The following KLRG1 variants were observed in gnomAD, a reference collection of about 807,000 sequenced individuals.
KLRG1 encodes killer cell lectin like receptor G1, also known as killer cell lectin-like receptor subfamily G member 1.
Under a neutral mutation model 21.8 loss-of-function variants are expected in KLRG1, and 16 were observed. That is an observed-to-expected ratio of 0.73 (90% confidence interval 0.50 to 1.11). KLRG1 has a LOEUF of 1.11. Ranked by LOEUF, KLRG1 falls within the 50% of genes most tolerant of loss-of-function variation. KLRG1 has a pLI of 0.00. For missense variants in KLRG1, 173 were observed against 218.3 expected, an observed-to-expected ratio of 0.79 and a Z score of 1.31; for synonymous variants, 69 against 75.9, an observed-to-expected ratio of 0.91 and a Z score of 0.47.
intron 1 of KLRG1, among the ~76,000 whole-genome samples, chr12:8,978,676 CTTTCTTTCTTTCTT>C (rs1326640393): frequency 3.1e-4 from 44 of 143,888 alleles, no homozygotes; most frequent in African/African-American, 1.1e-3. Flanking sequence ...TTCTTTCTTT[CTTTCTTTCTTTCTT>C]TTTCTTTCTT....
chr12:9,014,861 G>A (rs960542231), downstream of KLRG1, among the ~76,000 whole-genome samples: 1 of 152,118 alleles, frequency 6.6e-6, no homozygotes, highest in South Asian at 2.1e-4. Context: ...AAAAGTGGTG[G>A]CATGAAGTTA....
the KLRG1 span, among the ~76,000 whole-genome samples, chr12:9,163,358 C>T: frequency 2.0e-5 from 3 of 150,246 alleles, no homozygotes; most frequent in African/African-American, 7.4e-5. Flanking sequence ...GAGGCTGAGG[C>T]AGGAGAATGG....
At chr12:9,169,706 G>A in the KLRG1 span, 2 of 986,046 alleles carry the variant, frequency 2.0e-6, no homozygotes, top group East Asian at 5.8e-5. Context: ...CGTTCATGTA[G>A]TTGGTACCTT....
At chr12:9,138,822 T>C in the KLRG1 span, among the ~76,000 whole-genome samples, 9 of 152,114 alleles carry the variant, frequency 5.9e-5, no homozygotes, top group Non-Finnish European at 1.2e-4. Context: ...AGAGCAGTTA[T>C]AATGTATCTT....
the KLRG1 span, among the ~76,000 whole-genome samples, chr12:9,084,269 T>A: frequency 6.6e-6 from 1 of 152,172 alleles, no homozygotes. Context: ...ATGGTATAAG[T>A]AATATAGAGC....
At chr12:9,000,778 G>A (rs12304948) in intron 3 of KLRG1, among the ~76,000 whole-genome samples, 4,234 of 152,238 alleles carry the variant, frequency 0.028, 216 homozygotes, top group African/African-American at 0.093. Context: ...GGATACCTGG[G>A]ATGCTTCAAC....
chr12:8,957,416 A>G (rs1394973733), intron 1 of KLRG1, among the ~76,000 whole-genome samples: 1 of 152,254 alleles, frequency 6.6e-6, no homozygotes, highest in African/African-American at 2.4e-5. Flanking sequence ...CAGCAAAACT[A>G]GCACACATTC....
At chr12:9,205,511 A>T in the KLRG1 span, among the ~76,000 whole-genome samples, 1 of 152,190 alleles carries the variant, frequency 6.6e-6, no homozygotes, top group Non-Finnish European at 1.5e-5. Flanking sequence ...TGAGATCCTC[A>T]TCAGTCCCCA....
the KLRG1 span, among the ~76,000 whole-genome samples, chr12:9,153,844 G>A: frequency 6.6e-6 from 1 of 152,054 alleles, no homozygotes; most frequent in Non-Finnish European, 1.5e-5. Flanking sequence ...AAGAAGACAT[G>A]TAGGAGGGAA....
At chr12:9,049,762 C>T in the KLRG1 span, among the ~76,000 whole-genome samples, 1 of 152,106 alleles carries the variant, frequency 6.6e-6, no homozygotes, top group Non-Finnish European at 1.5e-5. Context: ...ATGAAAGGGG[C>T]ATCTTGGAGC....
the KLRG1 span, among the ~76,000 whole-genome samples, chr12:9,032,712 A>G: frequency 6.6e-6 from 1 of 152,188 alleles, no homozygotes; most frequent in Non-Finnish European, 1.5e-5. Flanking sequence ...ATCAACTGTT[A>G]TAGAACCCAA....
chr12:9,164,132 C>A, the KLRG1 span: 1 of 1,610,682 alleles, frequency 6.2e-7, no homozygotes, highest in Non-Finnish European at 8.5e-7. Flanking sequence ...CTGTCACTCA[C>A]CCAGAGTTTT....
At chr12:9,005,367 TAAAG>T (rs2137419608) in intron 3 of KLRG1, among the ~76,000 whole-genome samples, 1 of 150,948 alleles carries the variant, frequency 6.6e-6, no homozygotes, top group South Asian at 2.1e-4. Flanking sequence ...AAAAATGAAA[TAAAG>T]AAAATGTGTA....
At chr12:9,143,130 G>A in the KLRG1 span, among the ~76,000 whole-genome samples, 123,827 of 152,162 alleles carry the variant, frequency 0.81, 50,746 homozygotes, top group African/African-American at 0.84. Flanking sequence ...TTAGAATTAT[G>A]TAAATAATAT....
the KLRG1 span, chr12:9,208,283 G>T: frequency 6.2e-7 from 1 of 1,613,532 alleles, no homozygotes; most frequent in Non-Finnish European, 8.5e-7. Context: ...TGAGTCACTG[G>T]CAGAAAGCAG....
the KLRG1 span, chr12:9,072,633 C>T: frequency 3.1e-6 from 5 of 1,612,836 alleles, no homozygotes; most frequent in Non-Finnish European, 3.4e-6. Context: ...GTCCTGTCCT[C>T]ACCTGCCCAA....
the KLRG1 span, among the ~76,000 whole-genome samples, chr12:9,021,392 A>T: frequency 2.0e-5 from 3 of 147,624 alleles, no homozygotes; most frequent in Admixed American, 1.4e-4. Flanking sequence ...ATTTTTAAAA[A>T]CTTTTTTACT....
At chr12:9,040,038 C>G in the KLRG1 span, among the ~76,000 whole-genome samples, 2 of 152,000 alleles carry the variant, frequency 1.3e-5, no homozygotes, top group African/African-American at 4.8e-5. Flanking sequence ...AAGAAAAAGT[C>G]AAGAGAAGAT....
At chr12:9,120,734 T>C in the KLRG1 span, among the ~76,000 whole-genome samples, 2 of 152,184 alleles carry the variant, frequency 1.3e-5, no homozygotes. Flanking sequence ...GAGGGTGTAC[T>C]GGCTTTGTCT....
Sources: allele counts gnomAD v4.1 joint callset (sites outside exome capture counted in the v4.1 genomes callset), GRCh38; gene constraint gnomAD v4.1.1; transcripts MANE v1.5; gene names NCBI Gene and HGNC (gene_info 2026-07-23, HGNC 2026-07-21).